Variants in PRRG4 observed in about 807,000 individuals in gnomAD.
The protein encoded by PRRG4 is transmembrane gamma-carboxyglutamic acid protein 4.
A neutral mutation model predicts 20.0 loss-of-function variants in PRRG4; 12 were observed. The observed-to-expected ratio is 0.60, with a 90% confidence interval of 0.38 to 0.97. The LOEUF is 0.97. PRRG4 is among the 50% of genes least tolerant of loss of function. The pLI is 0.00. For missense variants in PRRG4, 199 were observed against 265.1 expected, an observed-to-expected ratio of 0.75 and a Z score of 1.73; for synonymous variants, 94 against 96.4, an observed-to-expected ratio of 0.98 and a Z score of 0.15.
chr11:32,843,730 GTT>G lies in PRRG4; in HGVS notation c.449+3504_449+3505del, dbSNP rs11367288. Among the ~76,000 whole-genome samples the G allele has an allele frequency of 4.9e-3, 691 of 141,978 alleles. 3 individuals carry two copies. Among genetic ancestry groups the G allele is most frequent in the African/African-American group, 0.016 (614 of 38,778 alleles). 93.1% of individuals were successfully genotyped at this position (141,978 alleles called of 152,430 possible). The stretch of plus-strand genomic sequence containing the variant: ...TGTGCAACCAATCTCCCGTTTTTCT[GTT>G]TTTTTTTTTTTTATTTTGCAACAGT... On this transcript the variant is annotated intron_variant, in intron 5 of 5. Coordinates refer to ENST00000257836, the MANE Select transcript of PRRG4 (RefSeq NM_024081.6).
intron 2 of PRRG4, among the ~76,000 whole-genome samples, chr11:32,832,429 T>C (rs1850981114): frequency 6.7e-6 from 1 of 150,336 alleles, no homozygotes; most frequent in Non-Finnish European, 1.5e-5. Flanking sequence ...TGGGCTATAA[T>C]AAATGGAGAT....
rs1375137274 is a variant in PRRG4 at position 32,830,167 on chromosome 11, G to A, written c.-29G>A. 8 of 1,029,678 alleles carry A rather than the reference G, an allele frequency of 7.8e-6. No homozygotes were observed. In the East Asian group the frequency reaches 4.9e-4, roughly 63 times the overall value. 63.8% of individuals were successfully genotyped at this position (1,029,678 alleles called of 1,614,324 possible). On this transcript the variant is annotated 5_prime_UTR_variant, in exon 1 of 6. Transcript: ENST00000257836. Reference sequence around the variant, plus strand: ...GGGGCTGCTGGAACATGTGCGGGGGGACACAGGTACGAGGCCTGGCGGCAG... The same window carrying A: ...GGGGCTGCTGGAACATGTGCGGGGGAACACAGGTACGAGGCCTGGCGGCAG...
chr11:32,843,187 T>C (rs924015869), intron 5 of PRRG4, among the ~76,000 whole-genome samples: 7 of 152,194 alleles, frequency 4.6e-5, no homozygotes, highest in African/African-American at 1.4e-4. Context: ...CTGGTGTTAA[T>C]TGCTTAAAAA....
chr11:32,832,598 A>G (rs1465931619), intron 2 of PRRG4, among the ~76,000 whole-genome samples: 1 of 147,698 alleles, frequency 6.8e-6, no homozygotes, highest in East Asian at 2.0e-4. Flanking sequence ...CTCCTGCTTC[A>G]GCCTCCCGAG....
chr11:32,856,505 C>A lies in PRRG4; in HGVS notation c.*2978C>A, dbSNP rs1297209373. On this transcript the variant is annotated 3_prime_UTR_variant, in exon 6 of 6. Coordinates refer to ENST00000257836, the MANE Select transcript of PRRG4 (RefSeq NM_024081.6). ...TCACATATATTTCTGTTGCTTTCAC[C>A]ATTTTCTATTCCTGTTGTAAGTTTG... 1 of 152,114 alleles carries A rather than the reference C, an allele frequency of 6.6e-6. No homozygotes were observed. Among genetic ancestry groups the A allele is most frequent in the Non-Finnish European group, 1.5e-5 (1 of 68,008 alleles). 9.4% of individuals were successfully genotyped at this position (152,114 alleles called of 1,614,324 possible).
chr11:32,830,500 T>G lies in PRRG4; in HGVS notation c.-22-8T>G, dbSNP rs772911266. ...TTTTTTTTTAATATTTTTTTTTGTT[T>G]GTTTTAGTTTGTTTGACAGTTGCCA... On this transcript the variant is annotated splice_polypyrimidine_tract_variant and splice_region_variant and intron_variant, in intron 1 of 5. Coordinates refer to ENST00000257836, the MANE Select transcript of PRRG4 (RefSeq NM_024081.6). 4.0e-6 allele frequency: 6 copies of G among 1,487,326 alleles called. No homozygotes were observed. The highest frequency in any genetic ancestry group is 5.3e-6 in the Non-Finnish European group (6 of 1,121,942). The allele number at this position is 1,487,326 out of a possible 1,614,324, so 92.1% of individuals were successfully genotyped here. A position where few individuals can be genotyped will look rare whatever the true frequency, so the allele number is the denominator to read the frequency against.
intron 5 of PRRG4, among the ~76,000 whole-genome samples, chr11:32,851,836 T>G (rs1203095971): frequency 6.6e-6 from 1 of 152,218 alleles, no homozygotes; most frequent in African/African-American, 2.4e-5. Flanking sequence ...GATACAGGCA[T>G]GCAATGTGAA....
intron 3 of PRRG4, 137 bp downstream of exon 3, chr11:32,836,958 A>G (rs1851025784): frequency 1.5e-6 from 1 of 661,836 alleles, no homozygotes; most frequent in Non-Finnish European, 2.5e-6. Flanking sequence ...CTTCCTTAAA[A>G]TGGTAATTAA....
chr11:32,845,391 C>T (rs1224994687), intron 5 of PRRG4, among the ~76,000 whole-genome samples: 2 of 151,982 alleles, frequency 1.3e-5, no homozygotes, highest in Non-Finnish European at 2.9e-5. Flanking sequence ...TTTGGGAGGC[C>T]GAGACGGGCG....
intron 3 of PRRG4, among the ~76,000 whole-genome samples, chr11:32,837,291 A>G (rs1449206315): frequency 6.6e-6 from 1 of 151,986 alleles, no homozygotes; most frequent in Non-Finnish European, 1.5e-5. Context: ...GAAGTCTGCT[A>G]TGTGCCAGGT....
At chr11:32,833,958 A>G (rs1031798584) in intron 2 of PRRG4, among the ~76,000 whole-genome samples, 6 of 152,120 alleles carry the variant, frequency 3.9e-5, no homozygotes, top group Non-Finnish European at 7.3e-5. Context: ...GAGAGAGCAA[A>G]CTGAAAGAAG....
chr11:32,839,658 GTATTATATTTTGAATATT>G (rs1851056955), intron 4 of PRRG4, among the ~76,000 whole-genome samples: 2 of 128,414 alleles, frequency 1.6e-5, no homozygotes, highest in African/African-American at 3.0e-5. Flanking sequence ...TAAAATATAA[GTATTATATTTTGAATATT>G]ATTAAAATAT....
chr11:32,841,281 A>G (rs1851075862), intron 5 of PRRG4, among the ~76,000 whole-genome samples: 1 of 152,214 alleles, frequency 6.6e-6, no homozygotes, highest in Admixed American at 6.5e-5. Context: ...TATCATATAT[A>G]TTAGAAGACT....
chr11:32,840,421 T>C lies in PRRG4; in HGVS notation c.449+182T>C, dbSNP rs553755457. The stretch of plus-strand genomic sequence containing the variant: ...GTTCCCACATATCCATCACCCAATT[T>C]CCCACATTGTTAATATCTTGTATTA... On this transcript the variant is annotated intron_variant, in intron 5 of 5. Coordinates refer to ENST00000257836, the MANE Select transcript of PRRG4 (RefSeq NM_024081.6). The surrounding 1 kb of genome is among the most constrained non-coding windows in gnomAD (Gnocchi z 4.1). 6.6e-6 allele frequency among the ~76,000 whole-genome samples: 1 copy of C among 152,296 alleles called. No homozygotes were observed. Among genetic ancestry groups the C allele is most frequent in the Non-Finnish European group, 1.5e-5 (1 of 68,018 alleles).
At chr11:32,845,453 G>A (rs559803586) in intron 5 of PRRG4, among the ~76,000 whole-genome samples, 29 of 151,992 alleles carry the variant, frequency 1.9e-4, no homozygotes, top group African/African-American at 6.3e-4. Context: ...GTGAAACCCC[G>A]TCTCTCCTAA....
At chr11:32,847,784 G>T (rs755670596) in intron 5 of PRRG4, among the ~76,000 whole-genome samples, 3 of 152,152 alleles carry the variant, frequency 2.0e-5, no homozygotes, top group Non-Finnish European at 2.9e-5. Context: ...TCCATGCAAT[G>T]AAATATTATT....
chr11:32,832,277 G>C (rs1055812780), intron 2 of PRRG4, among the ~76,000 whole-genome samples: 1 of 152,062 alleles, frequency 6.6e-6, no homozygotes, highest in Non-Finnish European at 1.5e-5. Context: ...TGGGAGGCAG[G>C]GTGTTTGTTA....
At chr11:32,846,079 G>C (rs1164571678) in intron 5 of PRRG4, among the ~76,000 whole-genome samples, 1 of 152,060 alleles carries the variant, frequency 6.6e-6, no homozygotes, top group African/African-American at 2.4e-5. Context: ...GAGCACCTGA[G>C]CCCAGGAAGT....
rs373648250 is a variant in PRRG4 at position 32,838,454 on chromosome 11, GA to G, written c.268-415del. ...TTGGGCAACAGAGTAATCCTGTCCG[GA>G]AAAAAAAAAAAATCTCCTGAGACAA... On this transcript the variant is annotated intron_variant, in intron 3 of 5. Transcript: ENST00000257836. Among the ~76,000 whole-genome samples the G allele has an allele frequency of 1.5e-3, 217 of 142,854 alleles. 1 individual carries two copies. The highest frequency in any genetic ancestry group is 4.0e-3 in the South Asian group (18 of 4,556). 93.7% of individuals were successfully genotyped at this position (142,854 alleles called of 152,430 possible). A position where few individuals can be genotyped will look rare whatever the true frequency, so the allele number is the denominator to read the frequency against.
Sources: allele counts gnomAD v4.1 joint callset (sites outside exome capture counted in the v4.1 genomes callset), GRCh38; gene constraint gnomAD v4.1.1; non-coding constraint Gnocchi (gnomAD v3.1); transcripts MANE v1.5; gene names NCBI Gene and HGNC (gene_info 2026-07-23, HGNC 2026-07-21).